Variants in CHEK2 observed in about 807,000 individuals in gnomAD.
The protein encoded by CHEK2 is checkpoint kinase 2.
Under a neutral mutation model 69.1 loss-of-function variants are expected in CHEK2, and 71 were observed. The observed-to-expected ratio is 1.03, with a 90% CI of 0.85 to 1.25. The LOEUF (loss-of-function observed/expected upper bound fraction) is 1.25. Ranked by LOEUF, CHEK2 falls within the 50% of genes most tolerant of loss-of-function variation. The probability of loss-of-function intolerance (pLI) is 0.00; values close to 1 mark genes in which losing one functional copy is unlikely to be tolerated. For missense variants in CHEK2, 664 were observed against 649.6 expected (o/e 1.02, Z -0.24); for synonymous variants, 189 against 226.9 (o/e 0.83, Z 1.50).
intron 14 of CHEK2, among the ~76,000 whole-genome samples, chr22:28,688,743 A>C (rs1051888783): frequency 7.9e-5 from 11 of 140,072 alleles, no homozygotes; most frequent in Non-Finnish European, 1.3e-4. Context: ...ACAACAACAA[A>C]AAAGCAGGAC....
intron 4 of CHEK2, 84 bp downstream of exon 4, chr22:28,724,893 A>G (rs1352797403): frequency 1.3e-5 from 19 of 1,422,544 alleles, no homozygotes; most frequent in African/African-American, 8.4e-5. Context: ...CACTTAAACC[A>G]TATTCTGTAA....
At chr22:28,688,658 G>A (rs2052220658) in intron 14 of CHEK2, among the ~76,000 whole-genome samples, 1 of 151,564 alleles carries the variant, frequency 6.6e-6, no homozygotes, top group South Asian at 2.1e-4. Flanking sequence ...GACAAACCAA[G>A]ACTCTGTCTC....
At chr22:28,706,818 CTGAGGCAGAATCACT>C (rs1285137073) in intron 7 of CHEK2, among the ~76,000 whole-genome samples, 2 of 152,026 alleles carry the variant, frequency 1.3e-5, no homozygotes, top group Non-Finnish European at 2.9e-5. Context: ...AGTCAGGAGG[CTGAGGCAGAATCACT>C]TGAACCCTGG....
rs750616657 is a variant in CHEK2 at position 28,719,413 on chromosome 22, A to ATGAT, written c.661_664dup (p.Met222AsnfsTer24). Reference sequence around the variant, plus strand: ...AATTTACCTTCCAAGAGTTTTTGACATGATGTATTCATCTCTTAATGCCTT... The same window carrying ATGAT: ...AATTTACCTTCCAAGAGTTTTTGACATGATTGATGTATTCATCTCTTAATGCCTT... On this transcript the variant is annotated frameshift_variant, in exon 5 of 15. Transcript: ENST00000404276. LOFTEE classifies it high-confidence loss of function. 1.3e-6 allele frequency: 2 copies of ATGAT among 1,588,552 alleles called. No individual in the cohort carries two copies. Among genetic ancestry groups the ATGAT allele is most frequent in the Admixed American group, 3.5e-5 (2 of 57,380 alleles).
intron 4 of CHEK2, among the ~76,000 whole-genome samples, chr22:28,723,320 C>T (rs1302474389): frequency 1.3e-5 from 2 of 152,252 alleles, no homozygotes; most frequent in Middle Eastern, 3.4e-3. Context: ...CTCAATAGGC[C>T]GGGCGCGGTG....
intron 5 of CHEK2, among the ~76,000 whole-genome samples, chr22:28,713,248 T>C (rs1480248815): frequency 6.6e-6 from 1 of 152,200 alleles, no homozygotes; most frequent in East Asian, 1.9e-4. Flanking sequence ...CCACCTTTTG[T>C]AAATGGTTTC....
intron 6 of CHEK2, 59 bp from the exon 7 acceptor site, chr22:28,710,118 A>G (rs1392448012): frequency 9.1e-6 from 11 of 1,211,238 alleles, no homozygotes; most frequent in Non-Finnish European, 1.3e-5. Flanking sequence ...ATTTAAAAAA[A>G]CATTTACAGT....
intron 6 of CHEK2, 44 bp from the exon 7 acceptor site, chr22:28,710,103 C>T (rs1206584722): frequency 5.3e-6 from 7 of 1,310,116 alleles, no homozygotes; most frequent in Non-Finnish European, 7.7e-6. Flanking sequence ...ATAATAATTG[C>T]CAATATTTAA....
At chr22:28,705,968 A>AAAACT (rs60257889) in intron 7 of CHEK2, among the ~76,000 whole-genome samples, 7,038 of 147,488 alleles carry the variant, frequency 0.048, 202 homozygotes, top group East Asian at 0.069. Flanking sequence ...AACTAAACTA[A>AAAACT]AAACTAAACT....
intron 1 of CHEK2, 94 bp from the exon 2 acceptor site, chr22:28,734,821 AAAAG>A: frequency 3.2e-6 from 3 of 950,498 alleles, no homozygotes; most frequent in South Asian, 1.5e-5. Flanking sequence ...ACAGCAAAAG[AAAAG>A]AAAAAAAAAA....
chr22:28,708,983 A>C lies in CHEK2; in HGVS notation c.846+1023T>G, dbSNP rs554383334. On this transcript the variant is annotated intron_variant, in intron 7 of 14. Transcript: ENST00000404276. ...AAAAAAAAAAAAAAAAACAAACAAA[A>C]AAAATGCCAGAATAAGATCATCATT... The C allele has an allele frequency of 2.0e-4, 85 of 428,238 alleles. No individual in the cohort carries two copies. In the Middle Eastern group the frequency reaches 2.1e-3, roughly 11 times the overall value. The allele number at this position is 428,238 out of a possible 1,614,324, so 26.5% of individuals were successfully genotyped here. A position where few individuals can be genotyped will look rare whatever the true frequency, so the allele number is the denominator to read the frequency against.
chr22:28,717,593 G>A (rs1434925420), intron 5 of CHEK2, among the ~76,000 whole-genome samples: 1 of 151,342 alleles, frequency 6.6e-6, no homozygotes, highest in Non-Finnish European at 1.5e-5. Context: ...ATAAAAATTA[G>A]GGCCGGGAGT....
At chr22:28,726,991 G>A (rs968048529) in intron 2 of CHEK2, among the ~76,000 whole-genome samples, 1 of 151,638 alleles carries the variant, frequency 6.6e-6, no homozygotes, top group African/African-American at 2.4e-5. Context: ...TTGTATAACA[G>A]ATACTATCTA....
chr22:28,739,035 A>T lies in CHEK2; in HGVS notation c.-7+2734T>A, dbSNP rs140121358. 7.3e-5 allele frequency among the ~76,000 whole-genome samples: 11 copies of T among 151,674 alleles called. No homozygotes were observed. The East Asian group carries it at 2.0e-3, about 27-fold the overall frequency. On this transcript the variant is annotated intron_variant, in intron 1 of 14. Coordinates refer to ENST00000404276, the MANE Select transcript of CHEK2 (RefSeq NM_007194.4). Reference sequence around the variant, plus strand: ...TGTAATCCCAGCACTTTGGGAGGCCAAGGTGGGTGAATCATCTGAGGTCAG... The same window carrying T: ...TGTAATCCCAGCACTTTGGGAGGCCTAGGTGGGTGAATCATCTGAGGTCAG...
intron 1 of CHEK2, among the ~76,000 whole-genome samples, chr22:28,735,073 C>A (rs2054356368): frequency 6.6e-6 from 1 of 151,980 alleles, no homozygotes; most frequent in Admixed American, 6.6e-5. Context: ...AAGACTGAAA[C>A]CAAAAATGTA....
chr22:28,736,486 T>C (rs1347385529), intron 1 of CHEK2, among the ~76,000 whole-genome samples: 1 of 152,230 alleles, frequency 6.6e-6, no homozygotes, highest in African/African-American at 2.4e-5. Context: ...CAACTCCACC[T>C]ATCCCTTTGT....
chr22:28,730,591 C>A, intron 2 of CHEK2: 1 of 662,042 alleles, frequency 1.5e-6, no homozygotes, highest in South Asian at 1.6e-5. Context: ...GCCACGGTGG[C>A]TCATGCCTGT....
At chr22:28,724,630 G>A (rs1367344979) in intron 4 of CHEK2, 5 of 352,298 alleles carry the variant, frequency 1.4e-5, no homozygotes, top group East Asian at 7.0e-5. Context: ...GCAATGGCAC[G>A]ATCTTGGCTC....
intron 8 of CHEK2, among the ~76,000 whole-genome samples, chr22:28,702,766 C>T (rs2052937437): frequency 1.3e-5 from 2 of 151,654 alleles, no homozygotes; most frequent in African/African-American, 4.9e-5. Context: ...AGGCTGGTCT[C>T]GAACTCCTGA....
Sources: gnomAD v4.1 joint callset for allele counts (sites outside exome capture counted in the v4.1 genomes callset) on GRCh38, gnomAD v4.1.1 for gene constraint, MANE v1.5 for transcripts, NCBI Gene and HGNC (gene_info 2026-07-23, HGNC 2026-07-21) for gene names.